The following RNF7 variants were observed in gnomAD, a reference collection of about 807,000 sequenced individuals.
RNF7 encodes ring finger protein 7.
A neutral mutation model predicts 17.0 loss-of-function variants in RNF7; 9 were observed. The observed-to-expected ratio is 0.53, with a 90% CI of 0.32 to 0.92. The LOEUF (loss-of-function observed/expected upper bound fraction) is 0.92, where lower values mean the gene tolerates loss of function less well. Among genes scored for constraint, RNF7 ranks in the 40% least tolerant of loss-of-function variants. The pLI is 0.04. For missense variants in RNF7, 87 were observed against 145.8 expected, an observed-to-expected ratio of 0.60 and a Z score of 2.08; for synonymous variants, 59 against 50.5, an observed-to-expected ratio of 1.17 and a Z score of -0.72.
Position 141,745,302 on chromosome 3 carries a change from C to A in RNF7, c.*25C>A. 6.8e-7 allele frequency: 1 copy of A among 1,477,624 alleles called. No individual in the cohort carries two copies. Among genetic ancestry groups the A allele is most frequent in the Non-Finnish European group, 9.4e-7 (1 of 1,058,724 alleles). 91.5% of individuals were successfully genotyped at this position (1,477,624 alleles called of 1,614,324 possible). ...AGAGTGGTTAGAAGGCTTCTTAGCG[C>A]AGTTGTTCAGAGCCCTGGTGGATCT... On this transcript the variant is annotated 3_prime_UTR_variant, in exon 3 of 3. Coordinates refer to ENST00000273480, the MANE Select transcript of RNF7 (RefSeq NM_014245.5).
chr3:141,745,349 G>A lies in RNF7; in HGVS notation c.*72G>A. On this transcript the variant is annotated 3_prime_UTR_variant, in exon 3 of 3. Coordinates refer to ENST00000273480, the MANE Select transcript of RNF7 (RefSeq NM_014245.5). Reference sequence around the variant, plus strand: ...ATCTTGTAATCCAGTGCCCTACAAAGGCTAGAACACTACAGGGGATGAATT... The same window carrying A: ...ATCTTGTAATCCAGTGCCCTACAAAAGCTAGAACACTACAGGGGATGAATT... 1.0e-6 allele frequency: 1 copy of A among 970,892 alleles called. No individual in the cohort carries two copies. Among genetic ancestry groups the A allele is most frequent in the Non-Finnish European group, 1.6e-6 (1 of 614,004 alleles). The allele number at this position is 970,892 out of a possible 1,614,324, so 60.1% of individuals were successfully genotyped here. A position where few individuals can be genotyped will look rare whatever the true frequency, so the allele number is the denominator to read the frequency against.
At chr3:141,740,851 C>T (rs756045747) in intron 1 of RNF7, among the ~76,000 whole-genome samples, 16 of 152,126 alleles carry the variant, frequency 1.1e-4, no homozygotes, top group East Asian at 1.9e-4. Context: ...AACAAGAACC[C>T]ACTTAGTTCC....
Position 141,743,556 on chromosome 3 carries a change from G to A in RNF7, c.223G>A (p.Val75Met). The change falls in exon 2 of 3, where the codon GTG becomes ATG. Residue 75 changes from valine to methionine, a missense_variant and splice_region_variant. Around this residue, in one of 2 missense-constraint regions of RNF7, gnomAD observed 36 missense variants for 104.7 expected, o/e 0.34. Transcript: ENST00000273480. ...QAENKQEDCVVVWGECNHSFH... is the reference protein window; with the variant it reads ...QAENKQEDCVMVWGECNHSFH... ...TGAAAACAAACAAGAGGACTGTGTT[G>A]GTATGTTGTAATTTTGTTCTCTTGC... 1.2e-6 allele frequency: 2 copies of A among 1,606,262 alleles called. No homozygotes were observed. The highest frequency in any genetic ancestry group is 1.3e-5 in the African/African-American group (1 of 74,728).
At chr3:141,744,747 T>C (rs553009894) in intron 2 of RNF7, among the ~76,000 whole-genome samples, 1 of 152,312 alleles carries the variant, frequency 6.6e-6, no homozygotes, top group South Asian at 2.1e-4. Context: ...CTAAAAACAT[T>C]TACAACTCAT....
chr3:141,739,559 A>G lies in RNF7; in HGVS notation c.175+1043A>G, dbSNP rs377033739. On this transcript the variant is annotated intron_variant, in intron 1 of 2. Coordinates refer to ENST00000273480, the MANE Select transcript of RNF7 (RefSeq NM_014245.5). Reference sequence around the variant, plus strand: ...GTAGTTAAAGAAAACGGACATTTCTATCGTTTGAAAACTGTGACTTGTCTT... The same window carrying G: ...GTAGTTAAAGAAAACGGACATTTCTGTCGTTTGAAAACTGTGACTTGTCTT... 1.4e-4 allele frequency among the ~76,000 whole-genome samples: 22 copies of G among 152,338 alleles called. No homozygotes were observed. In the East Asian group the frequency reaches 2.9e-3, roughly 20 times the overall value.
chr3:141,743,942 G>C (rs571454708), intron 2 of RNF7, among the ~76,000 whole-genome samples: 5 of 152,248 alleles, frequency 3.3e-5, no homozygotes, highest in African/African-American at 1.2e-4. Context: ...TTATAATACA[G>C]TATTTAACTT....
intron 1 of RNF7, among the ~76,000 whole-genome samples, chr3:141,739,314 G>A (rs1029585223): frequency 2.6e-5 from 4 of 152,168 alleles, no homozygotes; most frequent in Non-Finnish European, 5.9e-5. Flanking sequence ...TGCCTTTGTG[G>A]AGAACCCTCT....
At chr3:141,742,223 CTTTTTTTTTTTT>C (rs1196270339) in intron 1 of RNF7, among the ~76,000 whole-genome samples, 3 of 109,470 alleles carry the variant, frequency 2.7e-5, no homozygotes, top group East Asian at 4.9e-4. Context: ...CAAGCATTTT[CTTTTTTTTTTTT>C]TTTTTTTTTG....
intron 1 of RNF7, among the ~76,000 whole-genome samples, chr3:141,741,815 CA>C (rs1473431783): frequency 6.6e-6 from 1 of 152,084 alleles, no homozygotes; most frequent in African/African-American, 2.4e-5. Context: ...AGTTTATTTT[CA>C]AGGCACCCTT....
intron 1 of RNF7, among the ~76,000 whole-genome samples, chr3:141,741,510 C>T (rs2107855825): frequency 6.6e-6 from 1 of 152,310 alleles, no homozygotes; most frequent in East Asian, 1.9e-4. Context: ...GAGAAGCAGG[C>T]TTCAACTTAA....
chr3:141,742,901 T>A, intron 1 of RNF7: 1 of 1,090,446 alleles, frequency 9.2e-7, no homozygotes, highest in Non-Finnish European at 1.1e-6. Context: ...GGAAGGCTTC[T>A]GTGTCAGTAA....
chr3:141,743,185 A>G (rs1288151730), intron 1 of RNF7, among the ~76,000 whole-genome samples: 1 of 152,190 alleles, frequency 6.6e-6, no homozygotes. Flanking sequence ...GAGCATGCCC[A>G]GTAAGCGTAT....
rs1242044495 is a variant in RNF7 at position 141,746,634 on chromosome 3, T to C, written c.*1357T>C. On this transcript the variant is annotated 3_prime_UTR_variant, in exon 3 of 3. Coordinates refer to ENST00000273480, the MANE Select transcript of RNF7 (RefSeq NM_014245.5). Reference sequence around the variant, plus strand: ...ACCACAAGTTCATTTTGTATTCTTCTGTAGTAGAGGCTACTGATATGAATT... The same window carrying C: ...ACCACAAGTTCATTTTGTATTCTTCCGTAGTAGAGGCTACTGATATGAATT... The C allele has an allele frequency of 6.6e-6, 1 of 152,228 alleles. No individual in the cohort carries two copies. Among genetic ancestry groups the C allele is most frequent in the Admixed American group, 6.5e-5 (1 of 15,284 alleles). The allele number at this position is 152,228 out of a possible 1,614,324, so 9.4% of individuals were successfully genotyped here. A position where few individuals can be genotyped will look rare whatever the true frequency, so the allele number is the denominator to read the frequency against.
At chr3:141,739,938 C>A (rs942153069) in intron 1 of RNF7, among the ~76,000 whole-genome samples, 1 of 152,058 alleles carries the variant, frequency 6.6e-6, no homozygotes, top group African/African-American at 2.4e-5. Flanking sequence ...GTGGGAGGAT[C>A]CCTTGAGCCC....
intron 1 of RNF7, among the ~76,000 whole-genome samples, chr3:141,741,675 A>C (rs2084418766): frequency 6.6e-6 from 1 of 152,116 alleles, no homozygotes; most frequent in South Asian, 2.1e-4. Context: ...TACTTTTTTC[A>C]TTAAGCTGAT....
intron 1 of RNF7, among the ~76,000 whole-genome samples, chr3:141,739,223 C>T (rs1307409032): frequency 1.3e-5 from 2 of 152,132 alleles, no homozygotes; most frequent in Non-Finnish European, 2.9e-5. Flanking sequence ...TTTTCAGAAA[C>T]GTAAAACTTC....
chr3:141,738,498 T>C lies in RNF7; in HGVS notation c.157T>C (p.Cys53Arg), dbSNP rs1175664002. ...CGTGGAGTGCGATACGTGCGCCATCTGCAGGGTCCAGGTGATGGGTAAGCG... is the reference window on the plus strand; with the variant it reads ...CGTGGAGTGCGATACGTGCGCCATCCGCAGGGTCCAGGTGATGGGTAAGCG... Reference protein sequence around the residue: ...WDVECDTCAICRVQVMDACLR... With the variant: ...WDVECDTCAIRRVQVMDACLR... Residue 53 changes from cysteine (C) to arginine (R), a missense_variant, in exon 1 of 3, where the codon TGC becomes CGC. Coordinates refer to ENST00000273480, the MANE Select transcript of RNF7 (RefSeq NM_014245.5). 1 of 1,613,400 alleles carries C rather than the reference T, an allele frequency of 6.2e-7. No homozygotes were observed.
In RNF7 at chr3:141,738,572, G is replaced by A. The variant is rs111558867; in HGVS notation, c.175+56G>A. ...CTGCGGCCTCCGGGAGCCGACCTCG[G>A]GGTTGGGAAGGGACGGGCGTCCGTC... On this transcript the variant is annotated intron_variant, in intron 1 of 2. Coordinates refer to ENST00000273480, the MANE Select transcript of RNF7 (RefSeq NM_014245.5). 3.1e-4 allele frequency: 466 copies of A among 1,516,144 alleles called. 2 individuals are homozygous for A. In the African/African-American group the frequency reaches 5.8e-3, roughly 19 times the overall value. The allele number at this position is 1,516,144 out of a possible 1,614,324, so 93.9% of individuals were successfully genotyped here.
In RNF7 at chr3:141,738,880, T is replaced by C. The variant is rs142752523; in HGVS notation, c.175+364T>C. ...GGAACTAGCAGGAAACACTTCGGTT[T>C]GTGTGTCCAGCCCCAGCCCCACCTC... On this transcript the variant is annotated intron_variant, in intron 1 of 2. Transcript: ENST00000273480. Among the ~76,000 whole-genome samples, 1,236 of 152,312 alleles carry C rather than the reference T, an allele frequency of 8.1e-3. 22 individuals carry two copies. The highest frequency in any genetic ancestry group is 0.027 in the African/African-American group (1,136 of 41,572).
Sources: gnomAD v4.1 joint callset for allele counts (sites outside exome capture counted in the v4.1 genomes callset) on GRCh38, gnomAD v4.1.1 for gene constraint, gnomAD v4.1.1 regional missense constraint, MANE v1.5 for transcripts, NCBI Gene and HGNC (gene_info 2026-07-23, HGNC 2026-07-21) for gene names.